The following BTBD3 variants were observed in gnomAD, a reference collection of about 807,000 sequenced individuals.
The protein encoded by BTBD3 is BTB domain containing 3, also known as BTB/POZ domain-containing protein 3.
BTBD3 carries 14 observed loss-of-function variants against 41.6 expected under a neutral mutation model. The observed-to-expected ratio is 0.34, with a 90% CI of 0.22 to 0.53. The LOEUF (loss-of-function observed/expected upper bound fraction) is 0.53. Ranked by LOEUF, BTBD3 falls within the 20% of genes least tolerant of loss-of-function variation. The pLI, the probability that BTBD3 is intolerant of heterozygous loss-of-function variation, is 0.95. For synonymous variants in BTBD3, 249 were observed against 233.7 expected (o/e 1.07, Z -0.60); for missense variants, 426 against 654.7 (o/e 0.65, Z 3.81).
rs1423473556 is a variant in BTBD3, at chr20:11,908,234, C to G, written c.-125-10100C>G. On this transcript the variant is annotated intron_variant, in intron 1 of 4. Coordinates refer to the BTBD3 transcript ENST00000254977. ...ATCACCATTTTCAGAGATTGTCCTT[C>G]CTTGGTCTGGTTCCAGTCATCATCA... Among the ~76,000 whole-genome samples the G allele has an allele frequency of 2.0e-5, 3 of 150,252 alleles. No individual in the cohort carries two copies. The South Asian group carries it at 6.3e-4, about 32-fold the overall frequency.
chr20:11,892,524 T>A (rs1233515342), intron 1 of BTBD3: 1 of 152,236 alleles, frequency 6.6e-6, no homozygotes. Flanking sequence ...TCACCCTTTT[T>A]CATTTCTTGG....
chr20:11,897,726 C>T (rs1475661387), intron 1 of BTBD3, among the ~76,000 whole-genome samples: 2 of 152,174 alleles, frequency 1.3e-5, no homozygotes, highest in Non-Finnish European at 2.9e-5. Flanking sequence ...CCTTTTCCTT[C>T]CCTGGCTTCT....
intron 1 of BTBD3, among the ~76,000 whole-genome samples, chr20:11,893,509 C>G (rs1344422867): frequency 6.6e-6 from 1 of 152,226 alleles, no homozygotes; most frequent in Non-Finnish European, 1.5e-5. Flanking sequence ...TCTTTCATCA[C>G]ACATTTAAAA....
At chr20:11,915,021 C>T (rs918977674), upstream of BTBD3, among the ~76,000 whole-genome samples, 1 of 152,148 alleles carries the variant, frequency 6.6e-6, no homozygotes, top group African/African-American at 2.4e-5. Context: ...AAATACTCGC[C>T]TTTCTCTATT....
intron 1 of BTBD3, among the ~76,000 whole-genome samples, chr20:11,894,361 C>G (rs1568606427): frequency 6.6e-6 from 1 of 152,190 alleles, no homozygotes; most frequent in Non-Finnish European, 1.5e-5. Flanking sequence ...GGCTTGTTGC[C>G]AAATTGCTTA....
chr20:11,922,396 TAG>T lies in BTBD3; in HGVS notation c.537-235_537-234del, dbSNP rs1050131241. 4.6e-5 allele frequency among the ~76,000 whole-genome samples: 7 copies of T among 152,222 alleles called. No homozygotes were observed. The East Asian group carries it at 1.2e-3, about 25-fold the overall frequency. On this transcript the variant is annotated intron_variant, in intron 3 of 3. Transcript: ENST00000378226. Reference sequence around the variant, plus strand: ...ATGACACTGAATGCAGCTTATAAAATAGAGGCTAGAATGGTAGCACAAAGTTA... The same window carrying T: ...ATGACACTGAATGCAGCTTATAAAATAGGCTAGAATGGTAGCACAAAGTTA...
chr20:11,899,790 T>A (rs2056812916), intron 1 of BTBD3, among the ~76,000 whole-genome samples: 2 of 152,170 alleles, frequency 1.3e-5, no homozygotes, highest in Admixed American at 6.5e-5. Context: ...ATTTGTAGAT[T>A]TTTACTGTTG....
chr20:11,899,458 G>A (rs1568608224), intron 1 of BTBD3, among the ~76,000 whole-genome samples: 1 of 152,082 alleles, frequency 6.6e-6, no homozygotes, highest in Non-Finnish European at 1.5e-5. Context: ...CTGAGAAGTG[G>A]ATGAGCACTG....
intron 1 of BTBD3, among the ~76,000 whole-genome samples, chr20:11,893,958 T>A (rs989406817): frequency 6.6e-6 from 1 of 152,278 alleles, no homozygotes; most frequent in Non-Finnish European, 1.5e-5. Context: ...AGATTTTTAA[T>A]GATGAATACA....
upstream of BTBD3, chr20:11,913,421 G>A (rs1407278390): frequency 6.6e-6 from 1 of 152,158 alleles, no homozygotes; most frequent in Admixed American, 6.6e-5. Flanking sequence ...TGCCCCTACA[G>A]GGGTGCAGAC....
Position 11,912,206 on chromosome 20 carries a change from C to T in BTBD3, c.-125-6128C>T, listed in dbSNP as rs181957545. On this transcript the variant is annotated intron_variant, in intron 1 of 4. Transcript: ENST00000254977. ...GCTGGAATTCAAACTGGGTCATTGTCGAGAGAGGCCAAATTGAGTTGCTAG... is the reference window on the plus strand; with the variant it reads ...GCTGGAATTCAAACTGGGTCATTGTTGAGAGAGGCCAAATTGAGTTGCTAG... Among the ~76,000 whole-genome samples, 1,177 of 152,252 alleles carry T rather than the reference C, an allele frequency of 7.7e-3. 9 individuals carry two copies. Among genetic ancestry groups the T allele is most frequent in the Non-Finnish European group, 0.011 (747 of 68,028 alleles).
chr20:11,895,847 T>G (rs997311186), intron 1 of BTBD3, among the ~76,000 whole-genome samples: 4 of 152,204 alleles, frequency 2.6e-5, no homozygotes, highest in Non-Finnish European at 4.4e-5. Context: ...TTCTCGGCTT[T>G]TCTCACTGTT....
At chr20:11,890,870 G>A (rs1368076966) in exon 1 of BTBD3, 30 of 984,996 alleles carry the variant, frequency 3.0e-5, no homozygotes, top group Non-Finnish European at 3.1e-5. Context: ...CTGGATCTCC[G>A]AGTGCCCCGG....
At chr20:11,898,984 A>G (rs1413041186) in intron 1 of BTBD3, among the ~76,000 whole-genome samples, 1 of 152,190 alleles carries the variant, frequency 6.6e-6, no homozygotes. Flanking sequence ...TAGGTGTGGC[A>G]TCACCTGGGA....
At chr20:11,919,681 A>G (rs1486780051) in intron 2 of BTBD3, 37 bp from the exon 3 acceptor site, 1 of 1,584,834 alleles carries the variant, frequency 6.3e-7, no homozygotes, top group Non-Finnish European at 8.7e-7. Flanking sequence ...AATGCCTTCA[A>G]TTTAGTGTAT....
At chr20:11,919,320 G>A in intron 2 of BTBD3, 144 bp downstream of exon 2, 1 of 1,368,448 alleles carries the variant, frequency 7.3e-7, no homozygotes, top group Non-Finnish European at 9.6e-7. Context: ...ACCCTCTCCA[G>A]AGGGCTTTGG....
At chr20:11,900,910 A>G (rs901286013) in intron 1 of BTBD3, among the ~76,000 whole-genome samples, 8 of 151,654 alleles carry the variant, frequency 5.3e-5, no homozygotes, top group African/African-American at 1.7e-4. Context: ...ATGGGGTTTC[A>G]CCATGTTAGC....
chr20:11,918,004 A>G lies in BTBD3; in HGVS notation c.-272A>G, dbSNP rs1389244921. ...GTGCCTGTCATCTTTGCAGTGTAGC[A>G]TTTTCAGGTGATCTAGGAAACAGTT... On this transcript the variant is annotated 5_prime_UTR_variant, in exon 1 of 4. Transcript: ENST00000378226. 1 of 1,178,652 alleles carries G rather than the reference A, an allele frequency of 8.5e-7. No individual in the cohort carries two copies. The highest frequency in any genetic ancestry group is 1.0e-6 in the Non-Finnish European group (1 of 953,770). 73.0% of individuals were successfully genotyped at this position (1,178,652 alleles called of 1,614,324 possible).
intron 1 of BTBD3, among the ~76,000 whole-genome samples, chr20:11,906,918 G>A (rs552425773): frequency 6.6e-6 from 1 of 152,292 alleles, no homozygotes; most frequent in South Asian, 2.1e-4. Context: ...GACCACATTA[G>A]ACAGTCTTTT....
Sources: gnomAD v4.1 joint callset for allele counts (sites outside exome capture counted in the v4.1 genomes callset) on GRCh38, gnomAD v4.1.1 for gene constraint, MANE v1.5 for transcripts, NCBI Gene and HGNC (gene_info 2026-07-23, HGNC 2026-07-21) for gene names.